LSM10: variants seen among roughly 807,000 people sequenced by gnomAD.
LSM10 encodes LSM10, U7 small nuclear RNA associated.
A neutral mutation model predicts 5.2 loss-of-function variants in LSM10; 4 were observed. That is an observed-to-expected ratio of 0.77 (90% CI 0.38 to 1.77). LSM10 has a LOEUF of 1.77. LSM10 is among the 40% of genes most tolerant of loss of function. The pLI, the probability that LSM10 is intolerant of heterozygous loss-of-function variation, is 0.04. For synonymous variants in LSM10, 63 were observed against 67.4 expected (o/e 0.94, Z 0.32); for missense variants, 150 against 171.6 (o/e 0.87, Z 0.70).
In LSM10 at chr1:36,393,982, T is replaced by G. The variant is rs2124761364; in HGVS notation, c.148A>C (p.Met50Leu). Reference protein sequence around the residue: ...HGRIDNVDAFMNIRLAKVTYT... With the variant: ...HGRIDNVDAFLNIRLAKVTYT... ...GTGACTTTGGCCAGGCGGATGTTCATGAAAGCATCGACATTGTCTATGCGT... is the reference window on the plus strand; with the variant it reads ...GTGACTTTGGCCAGGCGGATGTTCAGGAAAGCATCGACATTGTCTATGCGT... Residue 50 changes from methionine to leucine, a missense_variant, in exon 2 of 2, where the codon ATG becomes CTG. Coordinates refer to ENST00000315732, the MANE Select transcript of LSM10 (RefSeq NM_032881.3). 2 of 1,614,238 alleles carry G rather than the reference T, an allele frequency of 1.2e-6. No homozygotes were observed. The highest frequency in any genetic ancestry group is 2.2e-5 in the South Asian group (2 of 91,084).
At chr1:36,394,575 G>A (rs963946349) in intron 1 of LSM10, among the ~76,000 whole-genome samples, 2 of 152,074 alleles carry the variant, frequency 1.3e-5, no homozygotes, top group African/African-American at 2.4e-5. Flanking sequence ...GAGAGGCTGA[G>A]GCAGGCAGAT....
At chr1:36,396,140 G>A (rs548927873) in intron 1 of LSM10, among the ~76,000 whole-genome samples, 11 of 147,380 alleles carry the variant, frequency 7.5e-5, no homozygotes, top group Non-Finnish European at 1.3e-4. Flanking sequence ...GGAGAATGGC[G>A]TGAACCTGGG....
Position 36,393,862 on chromosome 1 carries a change from T to A in LSM10, c.268A>T (p.Ile90Phe). ...RYVHIPDDVN[I>F]TSTIEQQLQI... The stretch of plus-strand genomic sequence containing the variant: ...AGCTGCTGCTCAATGGTCGAGGTGA[T>A]GTTCACGTCATCTGGGATGTGGACG... Residue 90 changes from isoleucine to phenylalanine, a missense_variant, in exon 2 of 2, where the codon ATC (isoleucine) becomes TTC (phenylalanine). Coordinates refer to ENST00000315732, the MANE Select transcript of LSM10 (RefSeq NM_032881.3). The A allele has an allele frequency of 1.2e-6, 2 of 1,614,258 alleles. No individual in the cohort carries two copies. Among genetic ancestry groups the A allele is most frequent in the African/African-American group, 1.3e-5 (1 of 75,074 alleles).
intron 1 of LSM10, among the ~76,000 whole-genome samples, chr1:36,397,432 T>G (rs542698943): frequency 1.1e-4 from 16 of 152,184 alleles, no homozygotes; most frequent in African/African-American, 3.9e-4. Flanking sequence ...TGCAGCCTGA[T>G]GAATCTGCGA....
Position 36,393,767 on chromosome 1 carries a change from G to GT in LSM10, c.362dup (p.Asn121LysfsTer3), listed in dbSNP as rs768776995. 1.9e-6 allele frequency: 3 copies of GT among 1,613,948 alleles called. No homozygotes were observed. The Admixed American group carries it at 5.0e-5, about 27-fold the overall frequency. On this transcript the variant is annotated frameshift_variant, in exon 2 of 2. Transcript: ENST00000315732. LOFTEE classifies it high-confidence loss of function. Reference sequence around the variant, plus strand: ...GGGCTTGCTGAGGGCCTCACTTACAGTTTTTTGGGGGAAATTCCCACCGGC... The same window carrying GT: ...GGGCTTGCTGAGGGCCTCACTTACAGTTTTTTTGGGGGAAATTCCCACCGGC...
At chr1:36,394,553 T>C (rs1436256636) in intron 1 of LSM10, among the ~76,000 whole-genome samples, 2 of 152,020 alleles carry the variant, frequency 1.3e-5, no homozygotes, top group African/African-American at 2.4e-5. Flanking sequence ...ACGCCTGTAA[T>C]CCCAGCACTT....
At position 36,394,768 on chromosome 1, in the gene LSM10, G is replaced by A. The variant is rs577687441; in HGVS notation, c.-24-615C>T. On this transcript the variant is annotated intron_variant, in intron 1 of 1. Coordinates refer to ENST00000315732, the MANE Select transcript of LSM10 (RefSeq NM_032881.3). Reference sequence around the variant, plus strand: ...GGAGCTTGCAGTAAGCCAAGATCGCGGCAGAGTGACTCCGTCTCAAAAAAA... The same window carrying A: ...GGAGCTTGCAGTAAGCCAAGATCGCAGCAGAGTGACTCCGTCTCAAAAAAA... 1.1e-4 allele frequency among the ~76,000 whole-genome samples: 17 copies of A among 148,934 alleles called. No individual in the cohort carries two copies. The East Asian group carries it at 1.8e-3, about 16-fold the overall frequency.
intron 1 of LSM10, 138 bp from the exon 2 acceptor site, chr1:36,394,291 C>T (rs1466646619): frequency 2.8e-6 from 2 of 726,890 alleles, no homozygotes; most frequent in African/African-American, 3.6e-5. Flanking sequence ...ACAGATGCTT[C>T]CCGCACATGT....
chr1:36,395,694 C>T (rs768642478), intron 1 of LSM10, among the ~76,000 whole-genome samples: 9 of 151,004 alleles, frequency 6.0e-5, no homozygotes, highest in Admixed American at 2.0e-4. Context: ...AGGAGAATCG[C>T]TTGAATCCGG....
intron 1 of LSM10, 31 bp from the exon 2 acceptor site, chr1:36,394,184 T>A: frequency 6.4e-7 from 1 of 1,566,542 alleles, no homozygotes; most frequent in Non-Finnish European, 8.6e-7. Context: ...ATGGCAGCTA[T>A]AGCAGGGTAG....
In LSM10 at chr1:36,393,864, T is replaced by G. The variant is rs374239551; in HGVS notation, c.266A>C (p.Asn89Thr). The G allele has an allele frequency of 4.3e-6, 7 of 1,614,108 alleles. No individual in the cohort carries two copies. The African/African-American group carries it at 8.0e-5, about 18-fold the overall frequency. The stretch of plus-strand genomic sequence containing the variant: ...CTGCTGCTCAATGGTCGAGGTGATG[T>G]TCACGTCATCTGGGATGTGGACGTA... ...VRYVHIPDDV[N>T]ITSTIEQQLQ... Residue 89 changes from asparagine to threonine, a missense_variant, in exon 2 of 2, where the codon AAC becomes ACC. By Grantham distance (65) the Asn-to-Thr change is moderately conservative. Coordinates refer to ENST00000315732, the MANE Select transcript of LSM10 (RefSeq NM_032881.3).
In LSM10 at chr1:36,393,443, G is replaced by A. The variant is rs183937835; in HGVS notation, c.*315C>T. ...GAGACACTTAGAGGTGGCTCAGGCT[G>A]AGCATGTTTAATTATCCTCACTGGG... On this transcript the variant is annotated 3_prime_UTR_variant, in exon 2 of 2. Coordinates refer to ENST00000315732, the MANE Select transcript of LSM10 (RefSeq NM_032881.3). 123 of 394,590 alleles carry A rather than the reference G, an allele frequency of 3.1e-4. 2 individuals carry two copies. In the Middle Eastern group the frequency reaches 4.5e-3, roughly 15 times the overall value. The allele number at this position is 394,590 out of a possible 1,614,324, so 24.4% of individuals were successfully genotyped here. A position where few individuals can be genotyped will look rare whatever the true frequency, so the allele number is the denominator to read the frequency against.
Sources: gnomAD v4.1 joint callset for allele counts (sites outside exome capture counted in the v4.1 genomes callset) on GRCh38, gnomAD v4.1.1 for gene constraint, MANE v1.5 for transcripts, NCBI Gene and HGNC (gene_info 2026-07-23, HGNC 2026-07-21) for gene names.